The following TMEM45B variants were observed in gnomAD, a reference collection of about 807,000 sequenced individuals.
TMEM45B encodes transmembrane protein 45B.
Under a neutral mutation model 27.3 loss-of-function variants are expected in TMEM45B, and 29 were observed. The ratio of observed to expected loss-of-function variants is 1.06; its 90% CI spans 0.79 to 1.45. The LOEUF (loss-of-function observed/expected upper bound fraction) is 1.45, where lower values mean the gene tolerates loss of function less well. Among genes scored for constraint, TMEM45B ranks in the 40% most tolerant of loss-of-function variants. TMEM45B has a pLI of 0.00. For synonymous variants in TMEM45B, 143 were observed against 134.7 expected (o/e 1.06, Z -0.43); for missense variants, 348 against 343.9 (o/e 1.01, Z -0.09).
intron 1 of TMEM45B, among the ~76,000 whole-genome samples, chr11:129,826,567 A>AAAAAAAAAAAAAAAT (rs1199881268): frequency 5.2e-5 from 5 of 96,124 alleles, no homozygotes; most frequent in Non-Finnish European, 6.0e-5. Context: ...AAAAAAAAAA[A>AAAAAAAAAAAAAAAT]AGGACCCTGA....
chr11:129,843,724 CAA>C (rs1417629285), intron 1 of TMEM45B, among the ~76,000 whole-genome samples: 1 of 152,002 alleles, frequency 6.6e-6, no homozygotes, highest in Non-Finnish European at 1.5e-5. Flanking sequence ...AAATGTAAAT[CAA>C]AGTCACAATA....
intron 1 of TMEM45B, among the ~76,000 whole-genome samples, chr11:129,842,175 T>C (rs1486151084): frequency 6.6e-6 from 1 of 152,066 alleles, no homozygotes; most frequent in South Asian, 2.1e-4. Flanking sequence ...CAGACACACA[T>C]GGGATGATGC....
At chr11:129,819,518 G>GTCTTTTCTTT (rs141695072) in intron 1 of TMEM45B, among the ~76,000 whole-genome samples, 1 of 151,854 alleles carries the variant, frequency 6.6e-6, no homozygotes, top group African/African-American at 2.4e-5. Flanking sequence ...GTCTTGTCTT[G>GTCTTTTCTTT]TCTTTTCTTT....
chr11:129,856,017 G>T, intron 4 of TMEM45B, 125 bp downstream of exon 4: 2 of 1,127,080 alleles, frequency 1.8e-6, no homozygotes, highest in Non-Finnish European at 2.5e-6. Flanking sequence ...CATGCAAAGG[G>T]GTTTAGATGA....
chr11:129,837,585 C>CTTTTTTTTTTTTTTTTTTTTTTTT lies in TMEM45B; in HGVS notation c.-8-14875_-8-14874insTTTTTTTTTTTTTTTTTTTTTTTT, dbSNP rs200040338. On this transcript the variant is annotated intron_variant, in intron 1 of 5. Coordinates refer to ENST00000281441, the MANE Select transcript of TMEM45B (RefSeq NM_138788.5). ...TACAGGCATGAGCCACTGCACTGGGCTTTTTTTTTTTTTTTGAGACAGGGT... is the reference window on the plus strand; with the variant it reads ...TACAGGCATGAGCCACTGCACTGGGCTTTTTTTTTTTTTTTTTTTTTTTTTTTTTTTTTTTTTTTGAGACAGGGT... Among the ~76,000 whole-genome samples, 650 of 80,212 alleles carry CTTTTTTTTTTTTTTTTTTTTTTTT rather than the reference C, an allele frequency of 8.1e-3. 118 individuals carry two copies. The highest frequency in any genetic ancestry group is 0.015 in the East Asian group (33 of 2,182). 52.6% of individuals were successfully genotyped at this position (80,212 alleles called of 152,430 possible). A position where few individuals can be genotyped will look rare whatever the true frequency, so the allele number is the denominator to read the frequency against.
At chr11:129,819,604 T>A (rs1947394072) in intron 1 of TMEM45B, among the ~76,000 whole-genome samples, 1 of 151,948 alleles carries the variant, frequency 6.6e-6, no homozygotes, top group African/African-American at 2.4e-5. Flanking sequence ...TGACTCAGAG[T>A]CTCTCTCAGT....
chr11:129,839,318 G>C (rs1947662253), intron 1 of TMEM45B, among the ~76,000 whole-genome samples: 1 of 152,146 alleles, frequency 6.6e-6, no homozygotes, highest in African/African-American at 2.4e-5. Flanking sequence ...GAAGTGTTGA[G>C]ATGAGGTCTT....
chr11:129,845,346 TG>T (rs1947747225), intron 1 of TMEM45B, among the ~76,000 whole-genome samples: 1 of 140,164 alleles, frequency 7.1e-6, no homozygotes, highest in African/African-American at 3.2e-5. Flanking sequence ...GATGTGTGTG[TG>T]TGTGTGTGTG....
At chr11:129,842,124 C>T (rs10894152) in intron 1 of TMEM45B, among the ~76,000 whole-genome samples, 8 of 151,992 alleles carry the variant, frequency 5.3e-5, no homozygotes, top group African/African-American at 1.4e-4. Flanking sequence ...TGATCCAATT[C>T]GAAAAACAGA....
At chr11:129,838,210 G>A (rs1409551054) in intron 1 of TMEM45B, among the ~76,000 whole-genome samples, 1 of 152,158 alleles carries the variant, frequency 6.6e-6, no homozygotes, top group Non-Finnish European at 1.5e-5. Flanking sequence ...GCAGGCCTGG[G>A]TGAGAGCAGG....
chr11:129,817,047 G>A (rs1947361664), intron 1 of TMEM45B, among the ~76,000 whole-genome samples: 1 of 151,952 alleles, frequency 6.6e-6, no homozygotes, highest in Non-Finnish European at 1.5e-5. Context: ...CGCCCAGCTA[G>A]AAATGGCCAC....
intron 1 of TMEM45B, among the ~76,000 whole-genome samples, chr11:129,841,072 G>C (rs1947685975): frequency 6.6e-6 from 1 of 151,270 alleles, no homozygotes. Context: ...AAAAAATTGA[G>C]CAGCATTTAT....
chr11:129,857,507 C>A (rs375197929), intron 5 of TMEM45B, 49 bp downstream of exon 5: 2 of 1,604,880 alleles, frequency 1.2e-6, no homozygotes, highest in South Asian at 2.2e-5. Context: ...CTAAGCAGGA[C>A]TGATGTGATT....
In TMEM45B at chr11:129,829,047, G is replaced by A. The variant is rs1192471432; in HGVS notation, c.-9+13149G>A. ...TCACCTGCTAGACATTTTCAGGTAA[G>A]CCTCACAGGATCCCTCCAAGGTGGT... On this transcript the variant is annotated intron_variant, in intron 1 of 5. Transcript: ENST00000281441. 4.6e-5 allele frequency among the ~76,000 whole-genome samples: 7 copies of A among 152,188 alleles called. No homozygotes were observed. The East Asian group carries it at 9.6e-4, about 21-fold the overall frequency.
intron 4 of TMEM45B, among the ~76,000 whole-genome samples, chr11:129,856,211 TTC>T (rs1390254233): frequency 5.3e-5 from 8 of 151,972 alleles, no homozygotes; most frequent in Non-Finnish European, 1.0e-4. Flanking sequence ...GGCCCTGAAG[TTC>T]TGTTTTGTTG....
chr11:129,828,259 A>G (rs951411227), intron 1 of TMEM45B: 1 of 152,256 alleles, frequency 6.6e-6, no homozygotes, highest in Non-Finnish European at 1.5e-5. Flanking sequence ...GGGAGGTAAC[A>G]GAATTCTTTT....
intron 1 of TMEM45B, among the ~76,000 whole-genome samples, chr11:129,851,469 G>A (rs1181437213): frequency 3.5e-5 from 5 of 142,192 alleles, no homozygotes; most frequent in African/African-American, 5.3e-5. Context: ...GCTTGAACCT[G>A]GGAGGCAGAG....
intron 5 of TMEM45B, among the ~76,000 whole-genome samples, 176 bp from the exon 6 acceptor site, chr11:129,858,398 C>T (rs115261930): frequency 1.1e-4 from 17 of 152,308 alleles, no homozygotes; most frequent in South Asian, 4.1e-4. Flanking sequence ...TTTCCACCAT[C>T]GCCCCTTTAT....
chr11:129,820,993 T>C (rs961613247), intron 1 of TMEM45B, among the ~76,000 whole-genome samples: 4 of 152,134 alleles, frequency 2.6e-5, no homozygotes, highest in African/African-American at 9.7e-5. Context: ...TTCGCTCCTT[T>C]ACACCCCCAC....
Sources: gnomAD v4.1 joint callset for allele counts (sites outside exome capture counted in the v4.1 genomes callset) on GRCh38, gnomAD v4.1.1 for gene constraint, MANE v1.5 for transcripts, NCBI Gene and HGNC (gene_info 2026-07-23, HGNC 2026-07-21) for gene names.